Variants in ITPA observed in about 807,000 individuals in gnomAD.
ITPA encodes inosine triphosphate pyrophosphatase.
ITPA carries 29 observed loss-of-function variants against 29.6 expected under a neutral mutation model. That is an observed-to-expected ratio of 0.98 (90% CI 0.73 to 1.34). ITPA has a LOEUF of 1.34. ITPA is among the 40% of genes most tolerant of loss of function. The probability of loss-of-function intolerance (pLI) is 0.00; values close to 1 mark genes in which losing one functional copy is unlikely to be tolerated. For synonymous variants in ITPA, 103 were observed against 99.3 expected (o/e 1.04, Z -0.22); for missense variants, 241 against 251.5 (o/e 0.96, Z 0.28).
At chr20:3,214,500 GGGACTACA>G (rs1360564778) in intron 4 of ITPA, among the ~76,000 whole-genome samples, 1 of 151,108 alleles carries the variant, frequency 6.6e-6, no homozygotes, top group Non-Finnish European at 1.5e-5. Context: ...CTGGGTAACT[GGGACTACA>G]GGTGTGCGTC....
intron 5 of ITPA, 83 bp downstream of exon 5, chr20:3,215,395 T>A: frequency 3.9e-6 from 5 of 1,288,766 alleles, no homozygotes; most frequent in Non-Finnish European, 5.6e-6. Flanking sequence ...CAACTAGTAA[T>A]CAGGAGTCCC....
upstream of ITPA, chr20:3,204,409 C>A (rs1276724881): frequency 2.2e-6 from 2 of 921,802 alleles, no homozygotes; most frequent in African/African-American, 1.7e-5. Context: ...ACACGACTAG[C>A]GCACGGACGC....
At chr20:3,217,917 T>TG (rs2067347030) in intron 5 of ITPA, among the ~76,000 whole-genome samples, 2 of 132,806 alleles carry the variant, frequency 1.5e-5, no homozygotes, top group Admixed American at 7.7e-5. Context: ...TTTTTTTTTG[T>TG]TTTTGTTTTT....
chr20:3,204,409 C>T, upstream of ITPA: 1 of 921,918 alleles, frequency 1.1e-6, no homozygotes, highest in Non-Finnish European at 1.6e-6. Flanking sequence ...ACACGACTAG[C>T]GCACGGACGC....
chr20:3,222,068 G>C, intron 7 of ITPA, 151 bp downstream of exon 7: 1 of 779,606 alleles, frequency 1.3e-6, no homozygotes, highest in South Asian at 1.5e-5. Flanking sequence ...CTGCTGGGGT[G>C]GACACTAGGA....
intron 6 of ITPA, among the ~76,000 whole-genome samples, chr20:3,221,210 C>CTT (rs11481198): frequency 5.5e-5 from 8 of 144,642 alleles, no homozygotes; most frequent in African/African-American, 1.3e-4. Context: ...TTTTTCTTTT[C>CTT]TTTCTTTTTT....
downstream of ITPA, chr20:3,227,407 A>C: frequency 3.5e-6 from 1 of 285,492 alleles, no homozygotes; most frequent in Non-Finnish European, 6.9e-6. Context: ...GCAGGGACAC[A>C]GGTGGCACAT....
At chr20:3,221,690 T>A in intron 6 of ITPA, 151 bp from the exon 7 acceptor site, 2 of 717,954 alleles carry the variant, frequency 2.8e-6, no homozygotes, top group East Asian at 5.4e-5. Context: ...TCAGCAAACA[T>A]TTGCAGGTGC....
chr20:3,225,978 G>A (rs1242429162), downstream of ITPA, among the ~76,000 whole-genome samples: 1 of 152,228 alleles, frequency 6.6e-6, no homozygotes, highest in Non-Finnish European at 1.5e-5. Flanking sequence ...GCAGTGAGCC[G>A]AGATCACGCC....
At chr20:3,209,302 T>C (rs971346801), upstream of ITPA, 1 of 571,826 alleles carries the variant, frequency 1.7e-6, no homozygotes, top group Non-Finnish European at 3.2e-6. This position sits in a 1 kb window ranked among gnomAD's most constrained non-coding sequence, Gnocchi z 4.6. Context: ...TTCTTGAAGA[T>C]AGCGTCCCTT....
At chr20:3,218,939 G>A (rs190894350) in intron 6 of ITPA, 1 of 446,202 alleles carries the variant, frequency 2.2e-6, no homozygotes, top group South Asian at 2.1e-5. Flanking sequence ...TTGTTTCAGG[G>A]AAACAGTTGG....
chr20:3,224,135 G>A (rs998129064), downstream of ITPA, among the ~76,000 whole-genome samples: 1 of 152,170 alleles, frequency 6.6e-6, no homozygotes, highest in African/African-American at 2.4e-5. Context: ...AGTGTGGCAC[G>A]CCCAGTGCTT....
rs1197439578 is a variant in ITPA, at chr20:3,211,065, T to TA, written c.66+1461dup. ...TGACAGAGTGAGACTCTGTCTCAAA[T>TA]AAAAAAAAAAAAAGAAGAAGAAGAA... On this transcript the variant is annotated intron_variant, in intron 1 of 7. Coordinates refer to ENST00000380113, the MANE Select transcript of ITPA (RefSeq NM_033453.4). 6.5e-3 allele frequency among the ~76,000 whole-genome samples: 734 copies of TA among 112,850 alleles called. 3 individuals are homozygous for TA. The highest frequency in any genetic ancestry group is 0.019 in the African/African-American group (580 of 29,874). The allele number at this position is 112,850 out of a possible 152,430, so 74.0% of individuals were successfully genotyped here.
At chr20:3,227,301 G>A, downstream of ITPA, 1 of 211,146 alleles carries the variant, frequency 4.7e-6, no homozygotes, top group Non-Finnish European at 9.7e-6. Flanking sequence ...CGTTGGAGGT[G>A]ACAGACCACA....
At chr20:3,210,705 C>T (rs763185042) in intron 1 of ITPA, among the ~76,000 whole-genome samples, 1 of 152,126 alleles carries the variant, frequency 6.6e-6, no homozygotes, top group Non-Finnish European at 1.5e-5. Context: ...CCATGCAGGA[C>T]AGTGGGCATG....
At chr20:3,224,070 C>T (rs369083751), downstream of ITPA, among the ~76,000 whole-genome samples, 4 of 152,326 alleles carry the variant, frequency 2.6e-5, no homozygotes, top group Admixed American at 1.3e-4. Context: ...TGCTGCCCCC[C>T]ACCCGCAGGT....
At chr20:3,213,043 G>C in intron 1 of ITPA, 126 bp from the exon 2 acceptor site, 1 of 1,019,308 alleles carries the variant, frequency 9.8e-7, no homozygotes, top group Non-Finnish European at 1.6e-6. Flanking sequence ...GAGGCCCACA[G>C]GCCTGAGTTG....
chr20:3,217,162 T>C (rs1447437844), intron 5 of ITPA, among the ~76,000 whole-genome samples: 1 of 152,228 alleles, frequency 6.6e-6, no homozygotes, highest in Admixed American at 6.5e-5. Flanking sequence ...ATTACAGGCA[T>C]GAGTTACCGC....
upstream of ITPA, among the ~76,000 whole-genome samples, chr20:3,206,724 G>A (rs144260178): frequency 0.025 from 3,823 of 152,010 alleles, 154 homozygotes; most frequent in African/African-American, 0.087. Context: ...CCAGCTACTT[G>A]GGAGGCTGAG....
Sources: allele counts gnomAD v4.1 joint callset (sites outside exome capture counted in the v4.1 genomes callset), GRCh38; gene constraint gnomAD v4.1.1; non-coding constraint Gnocchi (gnomAD v3.1); transcripts MANE v1.5; gene names NCBI Gene and HGNC (gene_info 2026-07-23, HGNC 2026-07-21).